The following CHCHD6 variants were observed in gnomAD, a reference collection of about 807,000 sequenced individuals.
CHCHD6 encodes the protein MICOS complex subunit MIC25.
CHCHD6 carries 28 observed loss-of-function variants against 32.3 expected under a neutral mutation model. That is an observed-to-expected ratio of 0.87 (90% CI 0.64 to 1.19). The LOEUF is 1.19. Ranked by LOEUF, CHCHD6 falls within the 50% of genes most tolerant of loss-of-function variation. The pLI, the probability that CHCHD6 is intolerant of heterozygous loss-of-function variation, is 0.00. For synonymous variants in CHCHD6, 122 were observed against 117.5 expected (o/e 1.04, Z -0.25); for missense variants, 333 against 307.0 (o/e 1.08, Z -0.63).
chr3:126,809,251 G>A (rs1402761763), intron 4 of CHCHD6, among the ~76,000 whole-genome samples: 2 of 152,208 alleles, frequency 1.3e-5, no homozygotes, highest in East Asian at 3.8e-4. Context: ...TAGCAGGCAT[G>A]AGCCACTGTG....
At chr3:126,899,768 A>C (rs2077895644) in intron 5 of CHCHD6, among the ~76,000 whole-genome samples, 2 of 152,220 alleles carry the variant, frequency 1.3e-5, no homozygotes, top group African/African-American at 4.8e-5. Flanking sequence ...TGCAGCCCTC[A>C]GCAGTGCAGC....
Position 126,849,894 on chromosome 3 carries a change from A to T in CHCHD6, c.412-2753A>T, listed in dbSNP as rs565916709. On this transcript the variant is annotated intron_variant, in intron 4 of 7. Coordinates refer to ENST00000290913, the MANE Select transcript of CHCHD6 (RefSeq NM_032343.3). ...TGACGCACTCAGGCACTGAAACCAC[A>T]GTTGTGCTGCGTGCTGCGTGGCCTC... Among the ~76,000 whole-genome samples, 23 of 152,314 alleles carry T rather than the reference A, an allele frequency of 1.5e-4. No homozygotes were observed. In the East Asian group the frequency reaches 4.4e-3, roughly 29 times the overall value.
intron 6 of CHCHD6, among the ~76,000 whole-genome samples, chr3:126,922,256 A>C (rs1338479013): frequency 1.3e-5 from 2 of 152,214 alleles, no homozygotes; most frequent in African/African-American, 4.8e-5. Flanking sequence ...CTTCACAGGA[A>C]GCTCAGCTGG....
intron 4 of CHCHD6, among the ~76,000 whole-genome samples, chr3:126,759,034 C>T (rs1157510862): frequency 3.9e-5 from 6 of 152,228 alleles, no homozygotes; most frequent in African/African-American, 9.6e-5. Flanking sequence ...AGCTCACCAG[C>T]GTGGTCAGGT....
intron 4 of CHCHD6, among the ~76,000 whole-genome samples, chr3:126,754,325 C>G (rs1936860170): frequency 6.6e-6 from 1 of 152,166 alleles, no homozygotes; most frequent in African/African-American, 2.4e-5. Flanking sequence ...GTGCCTAGCT[C>G]AGTGCTTCAC....
chr3:126,776,207 T>C (rs115523488), intron 4 of CHCHD6, among the ~76,000 whole-genome samples: 1,816 of 152,334 alleles, frequency 0.012, 20 homozygotes, highest in Middle Eastern at 0.048. Context: ...AGTGTGAACA[T>C]TGTTTTTGGT....
At chr3:126,795,469 A>T (rs901083698) in intron 4 of CHCHD6, among the ~76,000 whole-genome samples, 1 of 152,286 alleles carries the variant, frequency 6.6e-6, no homozygotes, top group African/African-American at 2.4e-5. Context: ...CTGAGTTAAG[A>T]ATTGGGCATA....
At chr3:126,944,584 G>A (rs1013605768) in intron 6 of CHCHD6, among the ~76,000 whole-genome samples, 2 of 152,334 alleles carry the variant, frequency 1.3e-5, no homozygotes, top group Non-Finnish European at 2.9e-5. Context: ...GGCCAGGGAG[G>A]CCACAGAGCA....
At chr3:126,779,837 C>T (rs1277236889) in intron 4 of CHCHD6, among the ~76,000 whole-genome samples, 3 of 152,162 alleles carry the variant, frequency 2.0e-5, no homozygotes, top group Non-Finnish European at 4.4e-5. Context: ...GTCTTATCTG[C>T]CCTATTAAGG....
At chr3:126,709,062 A>G (rs986915210) in intron 1 of CHCHD6, among the ~76,000 whole-genome samples, 8 of 152,248 alleles carry the variant, frequency 5.3e-5, no homozygotes, top group Non-Finnish European at 7.3e-5. Context: ...TCTCCAGATT[A>G]CTTATAATAC....
At chr3:126,957,954 T>G (rs2107611137) in intron 7 of CHCHD6, 2 of 330,402 alleles carry the variant, frequency 6.1e-6, no homozygotes, top group Non-Finnish European at 1.2e-5. Flanking sequence ...ATAGGCCATC[T>G]GGAAGAGGAG....
At chr3:126,801,125 C>T (rs902969618) in intron 4 of CHCHD6, among the ~76,000 whole-genome samples, 1 of 152,248 alleles carries the variant, frequency 6.6e-6, no homozygotes, top group Non-Finnish European at 1.5e-5. Context: ...CAGCTCCCAG[C>T]GTGAGCGACG....
At chr3:126,765,258 A>G (rs1023707875) in intron 4 of CHCHD6, among the ~76,000 whole-genome samples, 2 of 152,160 alleles carry the variant, frequency 1.3e-5, no homozygotes, top group African/African-American at 4.8e-5. Flanking sequence ...TAAAGCACCC[A>G]AACCAGTCCA....
intron 5 of CHCHD6, among the ~76,000 whole-genome samples, chr3:126,910,273 G>C (rs370700135): frequency 3.9e-4 from 44 of 111,454 alleles, no homozygotes; most frequent in Admixed American, 8.0e-4. Context: ...CCTGCCTCAG[G>C]AAAAAAAAAA....
At chr3:126,837,922 G>A (rs1426102748) in intron 4 of CHCHD6, among the ~76,000 whole-genome samples, 2 of 152,194 alleles carry the variant, frequency 1.3e-5, no homozygotes, top group African/African-American at 4.8e-5. Context: ...ACGGAGGAGA[G>A]CAGGCTCTGG....
intron 5 of CHCHD6, among the ~76,000 whole-genome samples, chr3:126,913,207 CTT>C (rs546179022): frequency 1.5e-4 from 5 of 33,786 alleles, no homozygotes; most frequent in Admixed American, 5.1e-4. Flanking sequence ...CCGTATGAGC[CTT>C]TTTTTTTTTT....
At chr3:126,721,384 T>C (rs1027383847) in intron 1 of CHCHD6, among the ~76,000 whole-genome samples, 7 of 152,194 alleles carry the variant, frequency 4.6e-5, no homozygotes, top group Admixed American at 4.6e-4. Flanking sequence ...TTCTGCCTTC[T>C]GCAGACATCG....
At chr3:126,859,184 C>T (rs977122384) in intron 5 of CHCHD6, among the ~76,000 whole-genome samples, 2 of 151,804 alleles carry the variant, frequency 1.3e-5, no homozygotes, top group East Asian at 1.9e-4. Flanking sequence ...AGTGACGCAG[C>T]GGGGTTCCAG....
At chr3:126,824,183 A>G (rs1380013674) in intron 4 of CHCHD6, among the ~76,000 whole-genome samples, 1 of 152,156 alleles carries the variant, frequency 6.6e-6, no homozygotes, top group Non-Finnish European at 1.5e-5. Flanking sequence ...GTTAGCTGGT[A>G]GGTTTTTTTA....
Sources: allele counts gnomAD v4.1 joint callset (sites outside exome capture counted in the v4.1 genomes callset), GRCh38; gene constraint gnomAD v4.1.1; transcripts MANE v1.5; gene names NCBI Gene and HGNC (gene_info 2026-07-23, HGNC 2026-07-21).